The following ERC2 variants were observed in gnomAD, a reference collection of about 807,000 sequenced individuals.
ERC2 encodes ELKS/RAB6-interacting/CAST family member 2, also known as ERC protein 2.
ERC2 carries 42 observed loss-of-function variants against 114.8 expected under a neutral mutation model. That is an observed-to-expected ratio of 0.37 (90% confidence interval 0.29 to 0.47). The LOEUF is 0.47. Among genes scored for constraint, ERC2 ranks in the 20% least tolerant of loss-of-function variants. ERC2 has a pLI of 0.99. For missense variants in ERC2, 939 were observed against 1,150.7 expected (o/e 0.82, Z 2.66); for synonymous variants, 454 against 425.5 (o/e 1.07, Z -0.82).
chr3:56,128,392 A>G (rs2080010745), intron 6 of ERC2, among the ~76,000 whole-genome samples: 1 of 152,170 alleles, frequency 6.6e-6, no homozygotes, highest in Admixed American at 6.5e-5. Context: ...AGGCAATTTA[A>G]AACTGACGCA....
intron 17 of ERC2, among the ~76,000 whole-genome samples, chr3:55,661,817 G>A (rs1157086535): frequency 6.6e-6 from 1 of 151,730 alleles, no homozygotes; most frequent in Non-Finnish European, 1.5e-5. Flanking sequence ...GAAGAAAAAC[G>A]TGAAAAGGTT....
At chr3:56,415,366 C>T (rs1315665639) in intron 2 of ERC2, among the ~76,000 whole-genome samples, 1 of 152,138 alleles carries the variant, frequency 6.6e-6, no homozygotes, top group Non-Finnish European at 1.5e-5. Flanking sequence ...TTTTTAAAAA[C>T]TGAGACAAAA....
intron 6 of ERC2, among the ~76,000 whole-genome samples, chr3:56,130,893 G>T (rs567800485): frequency 6.6e-6 from 1 of 152,116 alleles, no homozygotes; most frequent in African/African-American, 2.4e-5. Flanking sequence ...GACATTTTCC[G>T]CATTCTAAGG....
At position 56,386,802 on chromosome 3, in the gene ERC2, A is replaced by ATAATGC. The variant is rs1174451459; in HGVS notation, c.657+47543_657+47548dup. On this transcript the variant is annotated intron_variant, in intron 2 of 17. Coordinates refer to ENST00000288221, the MANE Select transcript of ERC2 (RefSeq NM_015576.3). ...AGAAACATGGAGAACTGTATCCAAT[A>ATAATGC]TAATGCTAATTATACAGCAAATGCC... Among the ~76,000 whole-genome samples, 8 of 152,324 alleles carry ATAATGC rather than the reference A, an allele frequency of 5.3e-5. No homozygotes were observed. In the East Asian group the frequency reaches 9.6e-4, roughly 18 times the overall value.
At chr3:55,586,032 A>T (rs2057581292) in intron 17 of ERC2, among the ~76,000 whole-genome samples, 1 of 152,218 alleles carries the variant, frequency 6.6e-6, no homozygotes, top group Non-Finnish European at 1.5e-5. Context: ...GTTTGAGAGC[A>T]GGGCTTCCTG....
intron 6 of ERC2, among the ~76,000 whole-genome samples, chr3:56,116,956 T>C (rs1158091020): frequency 6.6e-6 from 1 of 152,228 alleles, no homozygotes; most frequent in Non-Finnish European, 1.5e-5. Flanking sequence ...TGCATCCTAT[T>C]ACTGAATGCT....
rs146340518 is a variant in ERC2 at position 55,763,837 on chromosome 3, T to C, written c.2565-28919A>G. Among the ~76,000 whole-genome samples the C allele has an allele frequency of 2.2e-3, 336 of 152,352 alleles. 1 individual carries two copies. Among genetic ancestry groups the C allele is most frequent in the African/African-American group, 7.5e-3 (313 of 41,584 alleles). On this transcript the variant is annotated intron_variant, in intron 14 of 17. Transcript: ENST00000288221. ...CATTCCACCCCTAAATATGTCAGTC[T>C]GTTTCTAAAAATTATGGATTTTCCC...
intron 2 of ERC2, among the ~76,000 whole-genome samples, chr3:56,340,828 A>G (rs2058061108): frequency 6.6e-6 from 1 of 152,174 alleles, no homozygotes; most frequent in Admixed American, 6.5e-5. Context: ...CCTTCTCTCT[A>G]TATGGTGCAA....
At chr3:55,585,444 G>A (rs1286350558) in intron 17 of ERC2, among the ~76,000 whole-genome samples, 1 of 152,126 alleles carries the variant, frequency 6.6e-6, no homozygotes, top group African/African-American at 2.4e-5. Context: ...TGTCAGTTGT[G>A]ACCTCAAGTG....
At chr3:56,197,306 A>T (rs1168195379) in intron 3 of ERC2, among the ~76,000 whole-genome samples, 1 of 152,224 alleles carries the variant, frequency 6.6e-6, no homozygotes, top group African/African-American at 2.4e-5. Flanking sequence ...AAAAGAGTTA[A>T]ATGTGACAAT....
intron 3 of ERC2, among the ~76,000 whole-genome samples, chr3:56,263,502 G>A (rs553279600): frequency 1.2e-3 from 183 of 152,160 alleles, no homozygotes; most frequent in African/African-American, 4.0e-3. Context: ...GCAGCCCCCC[G>A]CAGAGAAAAG....
At chr3:56,013,559 C>T (rs971091216) in intron 8 of ERC2, among the ~76,000 whole-genome samples, 2 of 152,306 alleles carry the variant, frequency 1.3e-5, no homozygotes, top group South Asian at 4.1e-4. Flanking sequence ...GTGGAAACAG[C>T]TTCCAGGAGC....
At chr3:56,333,982 A>G (rs1218113685) in intron 2 of ERC2, among the ~76,000 whole-genome samples, 1 of 152,210 alleles carries the variant, frequency 6.6e-6, no homozygotes, top group African/African-American at 2.4e-5. Context: ...AATCTTATTA[A>G]TCTTTGAATC....
At chr3:55,738,757 C>A (rs1575441211) in intron 14 of ERC2, among the ~76,000 whole-genome samples, 1 of 152,174 alleles carries the variant, frequency 6.6e-6, no homozygotes, top group African/African-American at 2.4e-5. Context: ...AACCAAAAAA[C>A]AATCATTTTT....
intron 1 of ERC2, among the ~76,000 whole-genome samples, chr3:56,464,032 C>A (rs114457574): frequency 3.8e-4 from 58 of 152,270 alleles, no homozygotes; most frequent in African/African-American, 1.3e-3. Context: ...AGAGAATATT[C>A]CTGAAATGCA....
intron 16 of ERC2, among the ~76,000 whole-genome samples, chr3:55,698,445 A>G (rs1026130763): frequency 1.3e-5 from 2 of 152,134 alleles, no homozygotes; most frequent in Non-Finnish European, 2.9e-5. Context: ...AAGTTTTCGG[A>G]GCATCACAAG....
intron 17 of ERC2, among the ~76,000 whole-genome samples, chr3:55,672,248 G>T (rs1275932595): frequency 2.7e-5 from 4 of 150,328 alleles, no homozygotes; most frequent in South Asian, 2.1e-4. Context: ...TGATGTGGAG[G>T]ATCTCGCTTG....
In ERC2 at chr3:56,296,154, T is replaced by C. The variant is rs762485412; in HGVS notation, c.939A>G (p.Gln313=). 2 of 1,614,022 alleles carry C rather than the reference T, an allele frequency of 1.2e-6. No individual in the cohort carries two copies. The highest frequency in any genetic ancestry group is 2.2e-5 in the South Asian group (2 of 91,076). The part of the protein sequence containing the change: ...ESIKKLLEML[Q]SKGLPSKSLE... ...GGCTTTTGGATGGCAAGCCTTTACT[T>C]TGCAACATCTCAAGAAGTTTTTTAA... The change falls in exon 3 of 18, where the codon CAA becomes CAG. Residue 313 remains glutamine (Q), a synonymous_variant. Coordinates refer to ENST00000288221, the MANE Select transcript of ERC2 (RefSeq NM_015576.3).
chr3:56,173,484 C>G lies in ERC2; in HGVS notation c.1111G>C (p.Ala371Pro). The stretch of plus-strand genomic sequence containing the variant: ...ACAGTCTGGAGAGCCTTCGTCTTGG[C>G]TGGCTCCGGCTGAAGTTGGCTTCTT... The part of the protein sequence containing the change: ...HRRSQLQPEP[A>P]KTKALQTVIE... The change falls in exon 4 of 18, where the codon GCC (alanine) becomes CCC (proline). Residue 371 changes from alanine (A) to proline (P), a missense_variant. Coordinates refer to ENST00000288221, the MANE Select transcript of ERC2 (RefSeq NM_015576.3). 2 of 1,613,952 alleles carry G rather than the reference C, an allele frequency of 1.2e-6. No individual in the cohort carries two copies. The highest frequency in any genetic ancestry group is 1.7e-6 in the Non-Finnish European group (2 of 1,179,852).
Sources: allele counts gnomAD v4.1 joint callset (sites outside exome capture counted in the v4.1 genomes callset), GRCh38; gene constraint gnomAD v4.1.1; transcripts MANE v1.5; gene names NCBI Gene and HGNC (gene_info 2026-07-23, HGNC 2026-07-21).